The following CERK variants were observed in gnomAD, a reference collection of about 807,000 sequenced individuals.
CERK encodes ceramide kinase.
CERK carries 39 observed loss-of-function variants against 63.4 expected under a neutral mutation model. The observed-to-expected ratio is 0.61, with a 90% CI of 0.48 to 0.80. CERK has a LOEUF of 0.80. Among genes scored for constraint, CERK ranks in the 30% least tolerant of loss-of-function variants. The pLI, the probability that CERK is intolerant of heterozygous loss-of-function variation, is 0.00. For missense variants in CERK, 670 were observed against 714.1 expected, an observed-to-expected ratio of 0.94 and a Z score of 0.70; for synonymous variants, 302 against 280.0, an observed-to-expected ratio of 1.08 and a Z score of -0.78.
chr22:46,706,110 T>C (rs543142242), intron 6 of CERK, among the ~76,000 whole-genome samples: 3 of 152,240 alleles, frequency 2.0e-5, no homozygotes, highest in Non-Finnish European at 4.4e-5. Flanking sequence ...GTGCTGAGTG[T>C]GTGTGAACAC....
At chr22:46,717,451 A>G (rs1225351192) in intron 3 of CERK, among the ~76,000 whole-genome samples, 2 of 152,270 alleles carry the variant, frequency 1.3e-5, no homozygotes, top group Non-Finnish European at 2.9e-5. Context: ...GGCCTAGAGA[A>G]TGGACAAACG....
At chr22:46,721,394 G>C (rs914794949) in intron 1 of CERK, among the ~76,000 whole-genome samples, 1 of 151,974 alleles carries the variant, frequency 6.6e-6, no homozygotes, top group African/African-American at 2.4e-5. Flanking sequence ...CCGGGTTCGC[G>C]CCATTCTCCT....
intron 1 of CERK, among the ~76,000 whole-genome samples, chr22:46,724,793 G>A (rs1260222755): frequency 1.3e-5 from 2 of 152,148 alleles, no homozygotes; most frequent in African/African-American, 4.8e-5. Flanking sequence ...GCTAAGGTGG[G>A]CGGATCACGA....
intron 1 of CERK, among the ~76,000 whole-genome samples, chr22:46,725,411 C>T (rs1239231616): frequency 2.0e-5 from 3 of 152,010 alleles, no homozygotes; most frequent in Admixed American, 6.6e-5. Context: ...AGAATGCGGA[C>T]GGTCCTCTAG....
intron 3 of CERK, 87 bp downstream of exon 3, chr22:46,719,999 A>G: frequency 2.0e-6 from 3 of 1,533,496 alleles, no homozygotes; most frequent in Non-Finnish European, 2.6e-6. Context: ...GCTGCACGAA[A>G]CGGGGAGACA....
intron 1 of CERK, among the ~76,000 whole-genome samples, chr22:46,730,816 C>T (rs1178457470): frequency 3.3e-5 from 5 of 152,188 alleles, no homozygotes; most frequent in African/African-American, 1.2e-4. Context: ...TCCTTTGCCT[C>T]GTCTATCTTG....
chr22:46,687,301 C>T (rs2082707299), intron 12 of CERK, 95 bp from the exon 13 acceptor site: 21 of 480,144 alleles, frequency 4.4e-5, no homozygotes, highest in Admixed American at 9.2e-5. Flanking sequence ...GTAAACCCCA[C>T]GTGTCCCTCA....
At chr22:46,731,316 G>T (rs1412451716) in intron 1 of CERK, among the ~76,000 whole-genome samples, 1 of 152,220 alleles carries the variant, frequency 6.6e-6, no homozygotes, top group Non-Finnish European at 1.5e-5. Context: ...TGTTAGGGGA[G>T]TGCATGTGGG....
In CERK at chr22:46,720,109, A is replaced by G. The variant is rs755429102; in HGVS notation, c.356T>C (p.Leu119Pro). 3.7e-6 allele frequency: 6 copies of G among 1,613,974 alleles called. No homozygotes were observed. The highest frequency in any genetic ancestry group is 3.4e-6 in the Non-Finnish European group (4 of 1,179,974). Residue 119 changes from leucine to proline, a missense_variant, in exon 3 of 13, where the codon CTG becomes CCG. Transcript: ENST00000216264. ...EQLCHLWLQTLREMLEKLTSR... is the reference protein window; with the variant it reads ...EQLCHLWLQTPREMLEKLTSR... ...ACTCAGCTTCTCCAGCATCTCCCGC[A>G]GGGTCTGCAGCCACAAGTGACACAG...
chr22:46,718,538 C>A lies in CERK; in HGVS notation c.379+1548G>T, dbSNP rs118000555. Among the ~76,000 whole-genome samples, 221 of 152,236 alleles carry A rather than the reference C, an allele frequency of 1.5e-3. 3 individuals are homozygous for A. In the East Asian group the frequency reaches 0.04, roughly 27 times the overall value. ...TTTCACGACAGCAGGTGGTGGAGGC[C>A]AAGTCCCCCAGGATTAAACAGGGAA... is the stretch of plus-strand genomic sequence containing the variant. On this transcript the variant is annotated intron_variant, in intron 3 of 12. Coordinates refer to ENST00000216264, the MANE Select transcript of CERK (RefSeq NM_022766.6).
At chr22:46,712,645 G>A (rs1226950656) in intron 3 of CERK, among the ~76,000 whole-genome samples, 3 of 152,118 alleles carry the variant, frequency 2.0e-5, no homozygotes, top group Admixed American at 2.0e-4. Context: ...AGGTGAGTGT[G>A]CAGACAGCAG....
intron 10 of CERK, among the ~76,000 whole-genome samples, chr22:46,693,065 T>G (rs1185458799): frequency 6.6e-6 from 1 of 152,232 alleles, no homozygotes; most frequent in Non-Finnish European, 1.5e-5. Flanking sequence ...AGGCTGCCTC[T>G]GCTGGACAGA....
At chr22:46,722,981 G>C (rs937249605) in intron 1 of CERK, among the ~76,000 whole-genome samples, 1 of 152,192 alleles carries the variant, frequency 6.6e-6, no homozygotes, top group African/African-American at 2.4e-5. Context: ...AGGAAAGGGC[G>C]AGCGGCTGCG....
intron 12 of CERK, among the ~76,000 whole-genome samples, chr22:46,688,682 A>C (rs566548857): frequency 5.9e-5 from 9 of 152,224 alleles, no homozygotes; most frequent in Admixed American, 5.9e-4. Context: ...ATCCTCTTAC[A>C]TGCTGTGACT....
intron 6 of CERK, among the ~76,000 whole-genome samples, chr22:46,705,060 C>A (rs893058302): frequency 2.6e-5 from 4 of 152,184 alleles, no homozygotes; most frequent in African/African-American, 9.7e-5. Flanking sequence ...CACAGACAAA[C>A]CTCCAGGCTG....
Position 46,690,044 on chromosome 22 carries a change from T to C in CERK, c.1489A>G (p.Ser497Gly), listed in dbSNP as rs749114291. The change falls in exon 12 of 13, where the codon AGC (serine) becomes GGC (glycine). Residue 497 changes from serine to glycine, a missense_variant. Coordinates refer to ENST00000216264, the MANE Select transcript of CERK (RefSeq NM_022766.6). ...HPSCCCTVSN[S>G]SWNCDGEVLH... ...ACCTCCCCGTCGCAGTTCCAGGAGC[T>C]GTTGGAGACGGTGCAGCAGCAGGAG... 1.9e-5 allele frequency: 30 copies of C among 1,613,256 alleles called. No homozygotes were observed. The highest frequency in any genetic ancestry group is 2.3e-5 in the Non-Finnish European group (27 of 1,179,982).
intron 12 of CERK, among the ~76,000 whole-genome samples, chr22:46,688,548 G>A (rs1018448090): frequency 1.2e-4 from 18 of 152,224 alleles, no homozygotes; most frequent in African/African-American, 4.1e-4. Context: ...CCCTGGGCCT[G>A]GGGAGGGGCA....
At position 46,707,391 on chromosome 22, in the gene CERK, G is replaced by A. The variant is rs567599570; in HGVS notation, c.715+452C>T. Among the ~76,000 whole-genome samples, 8 of 152,254 alleles carry A rather than the reference G, an allele frequency of 5.3e-5. No individual in the cohort carries two copies. The South Asian group carries it at 8.3e-4, about 16-fold the overall frequency. On this transcript the variant is annotated intron_variant, in intron 6 of 12. Coordinates refer to ENST00000216264, the MANE Select transcript of CERK (RefSeq NM_022766.6). The stretch of plus-strand genomic sequence containing the variant: ...ACACAGCCCAGCTGTTCCCGGGCTC[G>A]GCTAGGTCCTGCCCTTGGTTCCGCC...
intron 10 of CERK, among the ~76,000 whole-genome samples, chr22:46,692,162 C>A (rs993939536): frequency 6.6e-6 from 1 of 152,212 alleles, no homozygotes; most frequent in Non-Finnish European, 1.5e-5. Flanking sequence ...CGCGGTGGCT[C>A]ACGCCTGTAA....
Sources: allele counts gnomAD v4.1 joint callset (sites outside exome capture counted in the v4.1 genomes callset), GRCh38; gene constraint gnomAD v4.1.1; transcripts MANE v1.5; gene names NCBI Gene and HGNC (gene_info 2026-07-23, HGNC 2026-07-21).